PARD3: variants seen among roughly 807,000 people sequenced by gnomAD.
PARD3 encodes the protein par-3 family cell polarity regulator.
Under a neutral mutation model 155.4 loss-of-function variants are expected in PARD3, and 75 were observed. The ratio of observed to expected loss-of-function variants is 0.48; its 90% CI spans 0.40 to 0.58. The LOEUF (loss-of-function observed/expected upper bound fraction) is 0.58. PARD3 is among the 20% of genes least tolerant of loss of function. PARD3 has a pLI of 0.00. For missense variants in PARD3, 1,642 were observed against 1,721.7 expected (o/e 0.95, Z 0.82); for synonymous variants, 576 against 610.5 (o/e 0.94, Z 0.83).
chr10:34,568,645 T>C (rs1319192202), intron 2 of PARD3, among the ~76,000 whole-genome samples: 1 of 152,200 alleles, frequency 6.6e-6, no homozygotes, highest in Non-Finnish European at 1.5e-5. Flanking sequence ...GCAGACCATG[T>C]GGCGTGACCT....
intron 3 of PARD3, among the ~76,000 whole-genome samples, chr10:34,484,403 CCTCT>C (rs2079298825): frequency 6.6e-6 from 1 of 152,186 alleles, no homozygotes; most frequent in Non-Finnish European, 1.5e-5. Flanking sequence ...TATACCACTC[CCTCT>C]GTCAGATTCC....
chr10:34,154,402 C>G (rs961675263), intron 22 of PARD3, among the ~76,000 whole-genome samples: 2 of 152,104 alleles, frequency 1.3e-5, no homozygotes, highest in African/African-American at 4.8e-5. Flanking sequence ...TCATGGTGAA[C>G]GCCCACACTG....
intron 14 of PARD3, among the ~76,000 whole-genome samples, chr10:34,350,795 T>C (rs1240883942): frequency 6.6e-6 from 1 of 152,272 alleles, no homozygotes; most frequent in East Asian, 1.9e-4. Flanking sequence ...GTTTAGCCCC[T>C]CAGTTCCATC....
At chr10:34,712,471 G>C (rs1404553097) in intron 1 of PARD3, among the ~76,000 whole-genome samples, 13 of 152,180 alleles carry the variant, frequency 8.5e-5, no homozygotes, top group Admixed American at 7.9e-4. Flanking sequence ...GCTTTTCCAT[G>C]TGACAATCCT....
At chr10:34,215,756 G>T (rs900406879) in intron 22 of PARD3, among the ~76,000 whole-genome samples, 9 of 152,194 alleles carry the variant, frequency 5.9e-5, no homozygotes, top group Non-Finnish European at 8.8e-5. Flanking sequence ...AAAAGATAGC[G>T]AATTATATTC....
At chr10:34,714,774 A>ATT (rs1396752579) in intron 1 of PARD3, among the ~76,000 whole-genome samples, 4 of 109,400 alleles carry the variant, frequency 3.7e-5, no homozygotes, top group African/African-American at 1.2e-4. Flanking sequence ...CACACATCAA[A>ATT]ATTTTTTTTT....
chr10:34,549,305 T>C (rs974549648), intron 2 of PARD3, among the ~76,000 whole-genome samples: 1 of 151,734 alleles, frequency 6.6e-6, no homozygotes, highest in East Asian at 1.9e-4. Context: ...TTTTAAATAA[T>C]TTTTTCCTTT....
intron 2 of PARD3, among the ~76,000 whole-genome samples, chr10:34,599,313 C>T (rs2134455730): frequency 6.6e-6 from 1 of 152,290 alleles, no homozygotes; most frequent in South Asian, 2.1e-4. Flanking sequence ...ACCCTCACTT[C>T]AGCCAGACCC....
chr10:34,362,650 C>A (rs7910715), intron 12 of PARD3, among the ~76,000 whole-genome samples: 12 of 152,256 alleles, frequency 7.9e-5, no homozygotes, highest in African/African-American at 2.9e-4. Context: ...AACATGTCAA[C>A]AAACCGGGCA....
At chr10:34,445,900 CTG>C (rs1426538796) in intron 5 of PARD3, among the ~76,000 whole-genome samples, 2 of 152,028 alleles carry the variant, frequency 1.3e-5, no homozygotes, top group East Asian at 1.9e-4. Context: ...TGATGGGAAA[CTG>C]TGTTTCAGGG....
chr10:34,177,909 TC>T (rs1246454967), intron 22 of PARD3, among the ~76,000 whole-genome samples: 2 of 152,222 alleles, frequency 1.3e-5, no homozygotes, highest in Non-Finnish European at 2.9e-5. Context: ...CCTCAGCCGT[TC>T]TAATTTCTTC....
chr10:34,429,863 G>C (rs2075816434), intron 5 of PARD3, among the ~76,000 whole-genome samples: 1 of 152,130 alleles, frequency 6.6e-6, no homozygotes, highest in Non-Finnish European at 1.5e-5. Context: ...GGGATTACAG[G>C]CGTGAGCCAC....
intron 22 of PARD3, among the ~76,000 whole-genome samples, chr10:34,234,500 C>A (rs1953111502): frequency 6.6e-6 from 1 of 152,168 alleles, no homozygotes; most frequent in African/African-American, 2.4e-5. Context: ...AAACATCTCC[C>A]AGCCTTTTGC....
At chr10:34,750,000 C>T (rs538741860) in intron 1 of PARD3, among the ~76,000 whole-genome samples, 43 of 150,448 alleles carry the variant, frequency 2.9e-4, no homozygotes, top group Middle Eastern at 3.4e-3. Context: ...CCAGCCTAGG[C>T]GACAGAACGA....
chr10:34,603,781 T>A (rs1380623781), intron 2 of PARD3, among the ~76,000 whole-genome samples: 1 of 152,194 alleles, frequency 6.6e-6, no homozygotes, highest in Non-Finnish European at 1.5e-5. Flanking sequence ...TAAATTTGCA[T>A]GTGGTACTCA....
chr10:34,129,698 C>CTATTTTTTTT (rs1346445542), intron 23 of PARD3, among the ~76,000 whole-genome samples: 1 of 59,714 alleles, frequency 1.7e-5, no homozygotes. Flanking sequence ...AATGTCAAGC[C>CTATTTTTTTT]TCTTTTTTTT....
rs530692234 is a variant in PARD3 at position 34,740,882 on chromosome 10, T to G, written c.121-44463A>C. On this transcript the variant is annotated intron_variant, in intron 1 of 24. Transcript: ENST00000374788. ...TTTAATGTGAAGCTTGACTAAAGTCTACTTACACAGAACTATCACTATATG... is the reference window on the plus strand; with the variant it reads ...TTTAATGTGAAGCTTGACTAAAGTCGACTTACACAGAACTATCACTATATG... Among the ~76,000 whole-genome samples, 154 of 152,336 alleles carry G rather than the reference T, an allele frequency of 1.0e-3. 1 individual carries two copies. The highest frequency in any genetic ancestry group is 3.5e-3 in the African/African-American group (146 of 41,576).
At position 34,267,178 on chromosome 10, in the gene PARD3, G is replaced by A. The variant is rs79687449; in HGVS notation, c.3419+2479C>T. The stretch of plus-strand genomic sequence containing the variant: ...TAACTGACAACGCCAGCATTCTGGT[G>A]TCCTTTCTCCCAGGAAAACAATTCC... On this transcript the variant is annotated intron_variant, in intron 22 of 24. Coordinates refer to ENST00000374788, the MANE Select transcript of PARD3 (RefSeq NM_001184785.2). 9.9e-3 allele frequency among the ~76,000 whole-genome samples: 1,507 copies of A among 151,824 alleles called. 34 individuals are homozygous for A. Among genetic ancestry groups the A allele is most frequent in the African/African-American group, 0.035 (1,441 of 41,390 alleles).
chr10:34,663,403 T>C (rs1463734466), intron 2 of PARD3, among the ~76,000 whole-genome samples: 1 of 152,046 alleles, frequency 6.6e-6, no homozygotes, highest in African/African-American at 2.4e-5. Flanking sequence ...GAGGCGGAGA[T>C]TGCAGTGAGA....
Sources: allele counts gnomAD v4.1 joint callset (sites outside exome capture counted in the v4.1 genomes callset), GRCh38; gene constraint gnomAD v4.1.1; transcripts MANE v1.5; gene names NCBI Gene and HGNC (gene_info 2026-07-23, HGNC 2026-07-21).